Variants in B9D2 observed in about 807,000 individuals in gnomAD.
B9D2 encodes B9 domain containing 2.
B9D2 carries 21 observed loss-of-function variants against 19.2 expected under a neutral mutation model. The ratio of observed to expected loss-of-function variants is 1.09; its 90% CI spans 0.78 to 1.58. B9D2 has a LOEUF of 1.58. Ranked by LOEUF, B9D2 falls within the 40% of genes most tolerant of loss-of-function variation. B9D2 has a pLI of 0.00. For synonymous variants in B9D2, 91 were observed against 100.6 expected, an observed-to-expected ratio of 0.90 and a Z score of 0.57; for missense variants, 221 against 244.3, an observed-to-expected ratio of 0.90 and a Z score of 0.64.
At chr19:41,356,348 G>A (rs11666933) in intron 3 of B9D2, among the ~76,000 whole-genome samples, 87,944 of 151,834 alleles carry the variant, frequency 0.58, 25,853 homozygotes, top group Non-Finnish European at 0.6. Context: ...GATTTAGGAT[G>A]TATTTCAAAA....
At position 41,354,926 on chromosome 19, in the gene B9D2, C is replaced by T. The variant is rs1293521004; in HGVS notation, c.302G>A (p.Ser101Asn). The change falls in exon 4 of 4, where the codon AGT becomes AAT. Residue 101 changes from serine (S) to asparagine (N), a missense_variant. By Grantham distance (46) the Ser-to-Asn change is conservative. Coordinates refer to ENST00000243578, the MANE Select transcript of B9D2 (RefSeq NM_030578.4). ...GGCCAGCTGGTGGGTGCCCGGGCTA[C>T]TGGGCACATGGCAAAATCCATAGCC... ...LAGYGFCHVP[S>N]SPGTHQLACP... is the part of the protein sequence containing the mutation. 26 of 1,613,268 alleles carry T rather than the reference C, an allele frequency of 1.6e-5. No homozygotes were observed. Among genetic ancestry groups the T allele is most frequent in the African/African-American group, 5.3e-5 (4 of 74,924 alleles).
intron 2 of B9D2, among the ~76,000 whole-genome samples, chr19:41,360,545 G>A (rs2038388386): frequency 6.6e-6 from 1 of 150,902 alleles, no homozygotes; most frequent in Admixed American, 6.6e-5. Flanking sequence ...TGCTCTTGTT[G>A]CCCAAGCTGG....
chr19:41,363,388 G>A, intron 2 of B9D2, 44 bp downstream of exon 2: 2 of 1,591,150 alleles, frequency 1.3e-6, no homozygotes, highest in Non-Finnish European at 1.7e-6. Context: ...TAGCCTCTAG[G>A]CTAGGGGTCT....
chr19:41,355,812 G>T (rs2038304141), intron 3 of B9D2, among the ~76,000 whole-genome samples: 1 of 152,232 alleles, frequency 6.6e-6, no homozygotes, highest in Non-Finnish European at 1.5e-5. Flanking sequence ...GCTGGGTAGG[G>T]TGAGGGTGGG....
rs757908270 is a variant in B9D2 at position 41,357,948 on chromosome 19, C to T, written c.163G>A (p.Ala55Thr). 11 of 1,614,130 alleles carry T rather than the reference C, an allele frequency of 6.8e-6. No homozygotes were observed. The East Asian group carries it at 1.8e-4, about 26-fold the overall frequency. ...QVDTPQIGDMAYWSHPIDLHF... is the reference protein window; with the variant it reads ...QVDTPQIGDMTYWSHPIDLHF... ...AGGTCGATGGGGTGGGACCAGTAAG[C>T]CATGTCCCCTATCTGCGGGGTGTCC... The change falls in exon 3 of 4, where the codon GCT becomes ACT. Residue 55 changes from alanine (A) to threonine (T), a missense_variant. Coordinates refer to ENST00000243578, the MANE Select transcript of B9D2 (RefSeq NM_030578.4).
chr19:41,360,701 G>T (rs2038391696), intron 2 of B9D2, among the ~76,000 whole-genome samples: 1 of 151,978 alleles, frequency 6.6e-6, no homozygotes, highest in African/African-American at 2.4e-5. Context: ...TAGAAATGGG[G>T]TTTTACCATG....
intron 3 of B9D2, among the ~76,000 whole-genome samples, chr19:41,357,211 A>C (rs569824203): frequency 1.3e-5 from 2 of 152,018 alleles, no homozygotes; most frequent in East Asian, 3.9e-4. Flanking sequence ...CAAATCACCT[A>C]TCTTAGTCCT....
At chr19:41,358,911 G>GC (rs2038359064) in intron 2 of B9D2, among the ~76,000 whole-genome samples, 1 of 144,582 alleles carries the variant, frequency 6.9e-6, no homozygotes, top group African/African-American at 2.7e-5. Flanking sequence ...AGGAGGCTTA[G>GC]GGGGGGGTGG....
At chr19:41,357,350 G>A (rs553029844) in intron 3 of B9D2, among the ~76,000 whole-genome samples, 1 of 152,294 alleles carries the variant, frequency 6.6e-6, no homozygotes, top group East Asian at 1.9e-4. Flanking sequence ...AACACAGGCT[G>A]GACACAGGGC....
chr19:41,364,109 C>G lies in B9D2; in HGVS notation c.-156G>C, dbSNP rs746533349. ...GCTGCGAGATATGTAAGCCGCGATA[C>G]TTCCGCGACCGCGCTCGTCTTGGTT... On this transcript the variant is annotated 5_prime_UTR_variant, in exon 1 of 4. Transcript: ENST00000243578. The G allele has an allele frequency of 3.6e-5, 6 of 164,590 alleles. No homozygotes were observed. Among genetic ancestry groups the G allele is most frequent in the African/African-American group, 9.6e-5 (4 of 41,564 alleles). 10.2% of individuals were successfully genotyped at this position (164,590 alleles called of 1,614,324 possible).
intron 2 of B9D2, among the ~76,000 whole-genome samples, chr19:41,361,413 G>A (rs1388677760): frequency 2.0e-5 from 3 of 152,116 alleles, no homozygotes; most frequent in Non-Finnish European, 4.4e-5. Flanking sequence ...TCTGACTCCA[G>A]AGCCTGCCCC....
chr19:41,362,349 G>C (rs2038421673), intron 2 of B9D2, among the ~76,000 whole-genome samples: 1 of 124,348 alleles, frequency 8.0e-6, no homozygotes, highest in Admixed American at 1.0e-4. Context: ...CTGCACTACA[G>C]CCTGGGAAAC....
intron 2 of B9D2, 141 bp downstream of exon 2, chr19:41,363,291 G>A: frequency 3.7e-6 from 3 of 821,606 alleles, no homozygotes; most frequent in Admixed American, 2.0e-5. Flanking sequence ...AGACTCATGT[G>A]GACAGGGTGT....
chr19:41,361,995 G>A (rs1481565826), intron 2 of B9D2, among the ~76,000 whole-genome samples: 1 of 84,546 alleles, frequency 1.2e-5, no homozygotes, highest in African/African-American at 5.0e-5. Flanking sequence ...TAGGAGAATC[G>A]CTTGAACCCA....
intron 3 of B9D2, among the ~76,000 whole-genome samples, chr19:41,355,772 A>G (rs1307483968): frequency 6.6e-6 from 1 of 152,180 alleles, no homozygotes; most frequent in Non-Finnish European, 1.5e-5. Context: ...GGTAGATCAG[A>G]TGGTGGTAAT....
At position 41,354,545 on chromosome 19, in the gene B9D2, AC is replaced by A. The variant is rs1489981884; in HGVS notation, c.*154del. 2.1e-6 allele frequency: 2 copies of A among 972,072 alleles called. No individual in the cohort carries two copies. Among genetic ancestry groups the A allele is most frequent in the Non-Finnish European group, 3.1e-6 (2 of 638,340 alleles). The allele number at this position is 972,072 out of a possible 1,614,324, so 60.2% of individuals were successfully genotyped here. On this transcript the variant is annotated 3_prime_UTR_variant, in exon 4 of 4. Coordinates refer to ENST00000243578, the MANE Select transcript of B9D2 (RefSeq NM_030578.4). Reference sequence around the variant, plus strand: ...AGATAGGGAAACTGGGCCCAGAGGGACCCCGAGGTCCTAGAAAGGACAGAAG... The same window carrying A: ...AGATAGGGAAACTGGGCCCAGAGGGACCCGAGGTCCTAGAAAGGACAGAAG...
At chr19:41,356,139 G>A (rs1478650954) in intron 3 of B9D2, among the ~76,000 whole-genome samples, 4 of 152,150 alleles carry the variant, frequency 2.6e-5, no homozygotes, top group Admixed American at 2.6e-4. Context: ...CACCCTGAGT[G>A]AGATGGGGAC....
intron 3 of B9D2, 68 bp from the exon 4 acceptor site, chr19:41,355,081 C>T (rs1275771220): frequency 7.1e-7 from 1 of 1,406,690 alleles, no homozygotes; most frequent in African/African-American, 1.4e-5. Flanking sequence ...ATTCCCCACT[C>T]CCTGATACTC....
chr19:41,360,311 G>A (rs1035153374), intron 2 of B9D2, among the ~76,000 whole-genome samples: 1 of 152,036 alleles, frequency 6.6e-6, no homozygotes, highest in African/African-American at 2.4e-5. Context: ...AAGTAGTTGG[G>A]ACGACAGGCA....
Sources: allele counts gnomAD v4.1 joint callset (sites outside exome capture counted in the v4.1 genomes callset), GRCh38; gene constraint gnomAD v4.1.1; transcripts MANE v1.5; gene names NCBI Gene and HGNC (gene_info 2026-07-23, HGNC 2026-07-21).